TM6SF2: variants seen among roughly 807,000 people sequenced by gnomAD.
TM6SF2 encodes transmembrane 6 superfamily member 2.
A neutral mutation model predicts 41.0 loss-of-function variants in TM6SF2; 29 were observed. The ratio of observed to expected loss-of-function variants is 0.71; its 90% CI spans 0.53 to 0.96. TM6SF2 has a LOEUF of 0.96. Ranked by LOEUF, TM6SF2 falls within the 50% of genes least tolerant of loss-of-function variation. TM6SF2 has a pLI of 0.00. For missense variants in TM6SF2, 475 were observed against 499.0 expected (o/e 0.95, Z 0.46); for synonymous variants, 200 against 209.1 (o/e 0.96, Z 0.37).
intron 5 of TM6SF2, among the ~76,000 whole-genome samples, chr19:19,269,457 G>C (rs2061014956): frequency 6.6e-6 from 1 of 152,140 alleles, no homozygotes; most frequent in African/African-American, 2.4e-5. Context: ...AACCCCTGGG[G>C]CTGGGAACCA....
intron 9 of TM6SF2, among the ~76,000 whole-genome samples, 197 bp from the exon 10 acceptor site, chr19:19,265,070 C>G (rs1370309286): frequency 7.4e-6 from 1 of 134,502 alleles, no homozygotes. Flanking sequence ...GAGACACAGT[C>G]TCATTCTGTT....
In TM6SF2 at chr19:19,268,001, A is replaced by G; in HGVS notation, c.696T>C (p.Thr232=). Residue 232 remains threonine (T), a synonymous_variant, in exon 7 of 10, where the codon ACT becomes ACC. Transcript: ENST00000389363. ...VIYLILAGFF[T]LFRGLVVLDC... ...GCAGACTCACCAGGCCCCGGAACAG[A>G]GTGAAGAAGCCAGCAAGGATGAGAT... The G allele has an allele frequency of 6.2e-7, 1 of 1,613,978 alleles. No homozygotes were observed. The highest frequency in any genetic ancestry group is 8.5e-7 in the Non-Finnish European group (1 of 1,179,970).
At chr19:19,267,022 T>C (rs985123065) in intron 8 of TM6SF2, among the ~76,000 whole-genome samples, 2 of 152,102 alleles carry the variant, frequency 1.3e-5, no homozygotes, top group Non-Finnish European at 1.5e-5. Flanking sequence ...TGCCACAGGC[T>C]GTCTCTGCCA....
intron 9 of TM6SF2, among the ~76,000 whole-genome samples, chr19:19,265,743 T>G (rs1407277972): frequency 1.3e-5 from 2 of 152,046 alleles, no homozygotes; most frequent in African/African-American, 4.8e-5. Flanking sequence ...ATTCCTGCCC[T>G]TACATGTCCT....
Position 19,264,818 on chromosome 19 carries a change from C to T in TM6SF2, c.980G>A (p.Arg327His), listed in dbSNP as rs750920847. The stretch of plus-strand genomic sequence containing the variant: ...GCAGCCCCAGGTGTCCTCAGGCACA[C>T]GGTAGGTGAAGGGTGTGCGCAGGTG... ...SMHLRTPFTY[R>H]VPEDTWGCFF... Residue 327 changes from arginine (R) to histidine (H), a missense_variant, in exon 10 of 10, where the codon CGT becomes CAT. By Grantham distance (29) the Arg-to-His change is conservative. Coordinates refer to ENST00000389363, the MANE Select transcript of TM6SF2 (RefSeq NM_001001524.3). The T allele has an allele frequency of 1.9e-5, 31 of 1,607,078 alleles. No individual in the cohort carries two copies. The highest frequency in any genetic ancestry group is 3.4e-5 in the Admixed American group (2 of 59,090).
In TM6SF2 at chr19:19,273,123, C is replaced by T; in HGVS notation, c.93G>A (p.Ser31=). Residue 31 remains serine, a splice_region_variant and synonymous_variant, in exon 1 of 10, where the codon TCG becomes TCA. Coordinates refer to ENST00000389363, the MANE Select transcript of TM6SF2 (RefSeq NM_001001524.3). ...SYALNHVSAL[S]HPLWVALMSA... is the part of the protein sequence containing the mutation. ...CCCTGGCCCCTCTCCGCACGCACTG[C>T]GAGAGCGCCGAGACGTGGTTGAGCG... The T allele has an allele frequency of 6.7e-7, 1 of 1,484,962 alleles. No individual in the cohort carries two copies. The highest frequency in any genetic ancestry group is 8.9e-7 in the Non-Finnish European group (1 of 1,123,298). The allele number at this position is 1,484,962 out of a possible 1,614,324, so 92.0% of individuals were successfully genotyped here.
intron 9 of TM6SF2, 127 bp from the exon 10 acceptor site, chr19:19,265,000 G>A (rs1384708764): frequency 2.0e-6 from 1 of 502,400 alleles, no homozygotes; most frequent in Non-Finnish European, 3.3e-6. Context: ...CTCGGGCTTT[G>A]CTCATCTATC....
At chr19:19,270,066 C>A in intron 4 of TM6SF2, 107 bp downstream of exon 4, 1 of 1,557,048 alleles carries the variant, frequency 6.4e-7, no homozygotes, top group Non-Finnish European at 8.7e-7. Flanking sequence ...GAGAGGCGTC[C>A]TGATTTCTCC....
chr19:19,271,014 T>A lies in TM6SF2; in HGVS notation c.199+8A>T. 6.2e-7 allele frequency: 1 copy of A among 1,612,802 alleles called. No individual in the cohort carries two copies. Among genetic ancestry groups the A allele is most frequent in the Non-Finnish European group, 8.5e-7 (1 of 1,178,784 alleles). The stretch of plus-strand genomic sequence containing the variant: ...AGTCTTCTTCCCCACAGCTTCCCAC[T>A]GACTCACCAGCATAGAGTGGGTCAT... On this transcript the variant is annotated splice_region_variant and intron_variant, in intron 2 of 9. Transcript: ENST00000389363.
At chr19:19,273,076 GCCCC>G in intron 1 of TM6SF2, 41 bp downstream of exon 1, 1 of 203,700 alleles carries the variant, frequency 4.9e-6, no homozygotes, top group Non-Finnish European at 8.1e-6. Context: ...GCCCCCGCCC[GCCCC>G]CACTGTCCCC....
intron 1 of TM6SF2, 85 bp from the exon 2 acceptor site, chr19:19,271,210 T>C (rs2074306): frequency 0.021 from 22,270 of 1,073,426 alleles, 872 homozygotes; most frequent in South Asian, 0.11. Flanking sequence ...AGGGGCAGAC[T>C]CCTGGAAGCC....
In TM6SF2 at chr19:19,264,826, G is replaced by A. The variant is rs201552850; in HGVS notation, c.972C>T (p.Phe324=). 4 of 1,605,986 alleles carry A rather than the reference G, an allele frequency of 2.5e-6. No individual in the cohort carries two copies. Among genetic ancestry groups the A allele is most frequent in the Non-Finnish European group, 2.5e-6 (3 of 1,176,538 alleles). ...AGGTGTCCTCAGGCACACGGTAGGT[G>A]AAGGGTGTGCGCAGGTGCATGGAAG... is the stretch of plus-strand genomic sequence containing the variant. ...MGASMHLRTP[F]TYRVPEDTWG... The change falls in exon 10 of 10, where the codon TTC becomes TTT. Residue 324 remains phenylalanine (F), a synonymous_variant. Transcript: ENST00000389363.
chr19:19,267,409 G>GGAAAA (rs1220771333), intron 8 of TM6SF2, among the ~76,000 whole-genome samples: 5 of 150,900 alleles, frequency 3.3e-5, no homozygotes, highest in African/African-American at 1.2e-4. Flanking sequence ...AGAAAAGAAA[G>GGAAAA]GAAAAGAAAA....
At chr19:19,268,169 G>A (rs2061010137) in intron 6 of TM6SF2, 82 bp from the exon 7 acceptor site, 1 of 932,976 alleles carries the variant, frequency 1.1e-6, no homozygotes, top group Non-Finnish European at 1.6e-6. Flanking sequence ...GGTTCCTAAG[G>A]CTCCTCCCTT....
At chr19:19,273,061 T>TGCCCCCCCCCCCCCCCCCCCCCCCCC in intron 1 of TM6SF2, 60 bp downstream of exon 1, 1 of 305,470 alleles carries the variant, frequency 3.3e-6, no homozygotes, top group Non-Finnish European at 6.1e-6. Flanking sequence ...CCTCCAGTCC[T>TGCCCCCCCCCCCCCCCCCCCCCCCCC]CCCCGCCCCC....
intron 9 of TM6SF2, among the ~76,000 whole-genome samples, chr19:19,266,220 G>A (rs543185206): frequency 1.8e-4 from 27 of 152,104 alleles, no homozygotes; most frequent in Non-Finnish European, 2.9e-4. Context: ...ACTCATCCTC[G>A]TACATCAAAG....
chr19:19,267,751 C>T, intron 7 of TM6SF2, 38 bp from the exon 8 acceptor site: 1 of 1,590,640 alleles, frequency 6.3e-7, no homozygotes, highest in South Asian at 1.1e-5. Context: ...CTCAGACATA[C>T]CTCCCACAGG....
At chr19:19,267,596 G>T in intron 8 of TM6SF2, 25 bp downstream of exon 8, 1 of 1,587,008 alleles carries the variant, frequency 6.3e-7, no homozygotes, top group Non-Finnish European at 8.6e-7. Context: ...GCAGGGGTGT[G>T]GTCTTCTCCC....
chr19:19,270,076 CT>C (rs2061017436), intron 4 of TM6SF2, 96 bp downstream of exon 4: 1 of 1,566,868 alleles, frequency 6.4e-7, no homozygotes, highest in East Asian at 2.4e-5. Flanking sequence ...CTGATTTCTC[CT>C]ACAGACACTT....
Sources: allele counts gnomAD v4.1 joint callset (sites outside exome capture counted in the v4.1 genomes callset), GRCh38; gene constraint gnomAD v4.1.1; transcripts MANE v1.5; gene names NCBI Gene and HGNC (gene_info 2026-07-23, HGNC 2026-07-21).